The following CASR variants were observed in gnomAD, a reference collection of about 807,000 sequenced individuals.
CASR encodes the protein extracellular calcium-sensing receptor.
Under a neutral mutation model 69.1 loss-of-function variants are expected in CASR, and 23 were observed. The ratio of observed to expected loss-of-function variants is 0.33; its 90% confidence interval spans 0.24 to 0.47. The LOEUF (loss-of-function observed/expected upper bound fraction) is 0.47. Among genes scored for constraint, CASR ranks in the 20% least tolerant of loss-of-function variants. CASR has a pLI of 1.00. For synonymous variants in CASR, 541 were observed against 544.7 expected, an observed-to-expected ratio of 0.99 and a Z score of 0.10; for missense variants, 924 against 1,356.1, an observed-to-expected ratio of 0.68 and a Z score of 5.00.
At chr3:122,233,674 C>T (rs1414833830) in intron 1 of CASR, among the ~76,000 whole-genome samples, 2 of 152,182 alleles carry the variant, frequency 1.3e-5, no homozygotes, top group African/African-American at 2.4e-5. Flanking sequence ...ACCCAGATTA[C>T]GCATGGGCTA....
rs2074930161 is a variant in CASR, at chr3:122,284,015, C to A, written c.2061C>A (p.Ser687Arg). Residue 687 changes from serine to arginine, a missense_variant, in exon 7 of 7, where the codon AGC becomes AGA. Around this residue, in one of 8 missense-constraint regions of CASR, gnomAD observed 184 missense variants for 278.8 expected, o/e 0.66. Transcript: ENST00000639785. The stretch of plus-strand genomic sequence containing the variant: ...TGCGCCAGCCGGCCTTTGGCATCAG[C>A]TTCGTGCTCTGCATCTCATGCATCC... Reference protein sequence around the residue: ...CRLRQPAFGISFVLCISCILV... With the variant: ...CRLRQPAFGIRFVLCISCILV... 6.2e-7 allele frequency: 1 copy of A among 1,614,106 alleles called. No individual in the cohort carries two copies. The highest frequency in any genetic ancestry group is 8.5e-7 in the Non-Finnish European group (1 of 1,179,986).
chr3:122,212,025 A>G (rs2074072675), intron 1 of CASR, among the ~76,000 whole-genome samples: 1 of 152,212 alleles, frequency 6.6e-6, no homozygotes, highest in African/African-American at 2.4e-5. Context: ...CTAGAACGAT[A>G]AATAGCATTT....
chr3:122,202,480 G>A (rs1038534719), intron 1 of CASR, among the ~76,000 whole-genome samples: 1 of 150,004 alleles, frequency 6.7e-6, no homozygotes, highest in Non-Finnish European at 1.5e-5. Flanking sequence ...GGGAGACCGT[G>A]GGGAGAGGGA....
intron 1 of CASR, among the ~76,000 whole-genome samples, chr3:122,250,212 G>A (rs1311868971): frequency 6.6e-6 from 1 of 152,132 alleles, no homozygotes; most frequent in African/African-American, 2.4e-5. Context: ...TTGGAGGACA[G>A]GGAGATGGAG....
At chr3:122,266,017 A>C (rs778661974) in intron 4 of CASR, among the ~76,000 whole-genome samples, 80 of 152,248 alleles carry the variant, frequency 5.3e-4, no homozygotes, top group Non-Finnish European at 1.0e-3. Context: ...TGCTCTTACC[A>C]CAGGAACTGG....
At chr3:122,217,707 G>C (rs1256063616) in intron 1 of CASR, among the ~76,000 whole-genome samples, 1 of 152,062 alleles carries the variant, frequency 6.6e-6, no homozygotes, top group Non-Finnish European at 1.5e-5. Context: ...AAGGGAAGAA[G>C]GACTAAAAAC....
At chr3:122,252,395 G>GA (rs1427099781) in intron 1 of CASR, among the ~76,000 whole-genome samples, 1 of 13,376 alleles carries the variant, frequency 7.5e-5, no homozygotes, top group East Asian at 6.5e-4. Context: ...AGGAAGGAAG[G>GA]AAGGAAGGAA....
At chr3:122,219,069 T>G (rs1480362539) in intron 1 of CASR, among the ~76,000 whole-genome samples, 1 of 152,182 alleles carries the variant, frequency 6.6e-6, no homozygotes, top group African/African-American at 2.4e-5. Context: ...AGGAATTGTA[T>G]AAAATGGGGT....
intron 1 of CASR, among the ~76,000 whole-genome samples, chr3:122,253,163 A>G (rs1210781750): frequency 1.3e-5 from 2 of 152,272 alleles, no homozygotes; most frequent in African/African-American, 4.8e-5. Flanking sequence ...ATCATAAAAA[A>G]TAAAGAATAA....
intron 1 of CASR, among the ~76,000 whole-genome samples, chr3:122,238,356 G>A (rs1030659124): frequency 6.6e-6 from 1 of 152,168 alleles, no homozygotes; most frequent in African/African-American, 2.4e-5. Context: ...TGAGGAGGAG[G>A]GAGCATTTGG....
At chr3:122,244,797 G>T (rs1394344236) in intron 1 of CASR, among the ~76,000 whole-genome samples, 1 of 152,084 alleles carries the variant, frequency 6.6e-6, no homozygotes, top group Admixed American at 6.5e-5. Context: ...AAAGATAAGG[G>T]AGTAAAAATA....
intron 1 of CASR, among the ~76,000 whole-genome samples, chr3:122,250,791 C>T (rs576342463): frequency 6.6e-6 from 1 of 152,068 alleles, no homozygotes; most frequent in African/African-American, 2.4e-5. Context: ...AGACACTGTA[C>T]GAAGTAAGTG....
chr3:122,272,593 C>T (rs1055886464), intron 4 of CASR, among the ~76,000 whole-genome samples: 1 of 152,210 alleles, frequency 6.6e-6, no homozygotes, highest in East Asian at 1.9e-4. Flanking sequence ...GATACCCCAT[C>T]AGTTAGCAGT....
chr3:122,184,779 C>T (rs542633310), intron 1 of CASR, among the ~76,000 whole-genome samples: 4 of 152,352 alleles, frequency 2.6e-5, no homozygotes, highest in African/African-American at 7.2e-5. Flanking sequence ...CGCGAATGAA[C>T]GGGAGCGCGC....
intron 4 of CASR, 58 bp downstream of exon 4, chr3:122,262,470 C>T (rs560446639): frequency 1.3e-6 from 2 of 1,492,800 alleles, no homozygotes; most frequent in East Asian, 4.5e-5. Flanking sequence ...TGGGCTGCAA[C>T]TCCAGGCAAG....
intron 5 of CASR, among the ~76,000 whole-genome samples, chr3:122,281,077 T>C (rs2074881849): frequency 6.6e-6 from 1 of 152,204 alleles, no homozygotes; most frequent in Non-Finnish European, 1.5e-5. Context: ...CTTCTTGAAA[T>C]GGTGAAGCAA....
In CASR at chr3:122,257,077, C is replaced by G; in HGVS notation, c.186-4C>G. 1 of 1,613,516 alleles carries G rather than the reference C, an allele frequency of 6.2e-7. No individual in the cohort carries two copies. The highest frequency in any genetic ancestry group is 8.5e-7 in the Non-Finnish European group (1 of 1,179,456). ...CATTTTCTTCCACTTCTTCTTTCTT[C>G]CAGGTATAATTTCCGTGGGTTTCGC... On this transcript the variant is annotated splice_polypyrimidine_tract_variant and splice_region_variant and intron_variant, in intron 2 of 6. Transcript: ENST00000639785.
At chr3:122,230,903 CA>C (rs1348011610) in intron 1 of CASR, among the ~76,000 whole-genome samples, 1 of 152,182 alleles carries the variant, frequency 6.6e-6, no homozygotes, top group East Asian at 1.9e-4. Flanking sequence ...AGTTTCTTTG[CA>C]AACCTGCTTC....
In CASR at chr3:122,191,913, A is replaced by C. The variant is rs190284936; in HGVS notation, c.-243+8101A>C. ...TATCAGGAACATTAAGATGTTGAAG[A>C]TAATGCTAGTGGAGTGGGGCACAAT... On this transcript the variant is annotated intron_variant, in intron 1 of 6. Coordinates refer to ENST00000639785, the MANE Select transcript of CASR (RefSeq NM_000388.4). Among the ~76,000 whole-genome samples the C allele has an allele frequency of 2.3e-4, 35 of 152,384 alleles. No homozygotes were observed. In the East Asian group the frequency reaches 5.4e-3, roughly 23 times the overall value.
Sources: allele counts gnomAD v4.1 joint callset (sites outside exome capture counted in the v4.1 genomes callset), GRCh38; gene constraint gnomAD v4.1.1; regional missense constraint gnomAD v4.1.1; transcripts MANE v1.5; gene names NCBI Gene and HGNC (gene_info 2026-07-23, HGNC 2026-07-21).